The following CEP63 variants were observed in gnomAD, a reference collection of about 807,000 sequenced individuals.
CEP63 encodes the protein centrosomal protein of 63 kDa.
Under a neutral mutation model 89.1 loss-of-function variants are expected in CEP63, and 84 were observed. The observed-to-expected ratio is 0.94, with a 90% CI of 0.79 to 1.13. CEP63 has a LOEUF of 1.13. Ranked by LOEUF, CEP63 falls within the 50% of genes most tolerant of loss-of-function variation. The probability of loss-of-function intolerance (pLI) is 0.00; values close to 1 mark genes in which losing one functional copy is unlikely to be tolerated. For missense variants in CEP63, 838 were observed against 813.3 expected, an observed-to-expected ratio of 1.03 and a Z score of -0.37; for synonymous variants, 267 against 272.5, an observed-to-expected ratio of 0.98 and a Z score of 0.20.
At chr3:134,650,375 G>A in the CEP63 span, among the ~76,000 whole-genome samples, 2 of 152,164 alleles carry the variant, frequency 1.3e-5, no homozygotes, top group Admixed American at 1.3e-4. Flanking sequence ...AGGCCACACA[G>A]GGAGCTCCCC....
At chr3:134,628,974 T>C in the CEP63 span, among the ~76,000 whole-genome samples, 1 of 152,242 alleles carries the variant, frequency 6.6e-6, no homozygotes, top group East Asian at 1.9e-4. Context: ...CCTCAGTTGT[T>C]CTGCAGCCTC....
At chr3:134,753,899 G>A in the CEP63 span, among the ~76,000 whole-genome samples, 15 of 151,652 alleles carry the variant, frequency 9.9e-5, no homozygotes, top group African/African-American at 3.4e-4. Context: ...AAACGTGTAA[G>A]CCACACACTA....
chr3:134,651,443 A>T, the CEP63 span: 9 of 1,027,058 alleles, frequency 8.8e-6, no homozygotes, highest in South Asian at 7.2e-5. Flanking sequence ...TGCTGTCAAC[A>T]TTGAGAGTAG....
chr3:134,628,286 C>T, the CEP63 span, among the ~76,000 whole-genome samples: 1 of 152,148 alleles, frequency 6.6e-6, no homozygotes, highest in African/African-American at 2.4e-5. Flanking sequence ...TTAAATTATT[C>T]CTTGGGAGGA....
At chr3:134,769,156 A>T in the CEP63 span, among the ~76,000 whole-genome samples, 31 of 152,278 alleles carry the variant, frequency 2.0e-4, no homozygotes, top group South Asian at 6.2e-3. Context: ...CACATTCTTA[A>T]TTGATTGTAT....
the CEP63 span, among the ~76,000 whole-genome samples, chr3:134,757,344 G>T: frequency 6.6e-6 from 1 of 152,172 alleles, no homozygotes; most frequent in African/African-American, 2.4e-5. Context: ...AGTCCTTAAA[G>T]CTTATCTTGC....
the CEP63 span, among the ~76,000 whole-genome samples, chr3:134,654,276 G>A: frequency 2.0e-5 from 3 of 152,184 alleles, no homozygotes; most frequent in Admixed American, 6.5e-5. Flanking sequence ...GCTGTCACCA[G>A]AGAGGAGTGT....
chr3:134,590,661 T>C (rs187601065), downstream of CEP63, among the ~76,000 whole-genome samples: 2 of 152,210 alleles, frequency 1.3e-5, no homozygotes, highest in Non-Finnish European at 2.9e-5. Context: ...ATTATGGCCA[T>C]GTAAATGTCA....
At position 134,559,510 on chromosome 3, in the gene CEP63, A is replaced by AT. The variant is rs973874083; in HGVS notation, c.1953+90dup. The AT allele has an allele frequency of 9.5e-4, 1,149 of 1,205,320 alleles. 2 individuals are homozygous for AT. The highest frequency in any genetic ancestry group is 5.4e-3 in the African/African-American group (357 of 65,922). 74.7% of individuals were successfully genotyped at this position (1,205,320 alleles called of 1,614,324 possible). A position where few individuals can be genotyped will look rare whatever the true frequency, so the allele number is the denominator to read the frequency against. The stretch of plus-strand genomic sequence containing the variant: ...TTTTATTTTAAGGGTGAAGAAGGTG[A>AT]TTTTTTTTTCCTTACTGATTCTTTT... On this transcript the variant is annotated intron_variant, in intron 14 of 14. Coordinates refer to ENST00000675561, the MANE Select transcript of CEP63 (RefSeq NM_001353108.3).
chr3:134,500,374 C>G (rs1941592209), intron 2 of CEP63, among the ~76,000 whole-genome samples: 1 of 152,136 alleles, frequency 6.6e-6, no homozygotes, highest in African/African-American at 2.4e-5. Flanking sequence ...TTCATGTCTG[C>G]TATTGTGATT....
intron 3 of CEP63, among the ~76,000 whole-genome samples, chr3:134,531,011 A>G (rs1949750948): frequency 1.3e-5 from 2 of 152,188 alleles, no homozygotes; most frequent in African/African-American, 2.4e-5. Context: ...AATAGGTGTC[A>G]CTGGTATCAA....
At chr3:134,680,556 A>C in the CEP63 span, among the ~76,000 whole-genome samples, 2 of 152,316 alleles carry the variant, frequency 1.3e-5, no homozygotes, top group East Asian at 3.9e-4. Flanking sequence ...ACTTCAAGTC[A>C]AGACATATGA....
the CEP63 span, among the ~76,000 whole-genome samples, chr3:134,772,517 TCTC>T: frequency 6.6e-6 from 1 of 151,702 alleles, no homozygotes; most frequent in Non-Finnish European, 1.5e-5. Context: ...CCTCCCCTCT[TCTC>T]CTCCATTTTC....
chr3:134,559,005 A>G (rs1956817927), intron 13 of CEP63, 145 bp from the exon 14 acceptor site: 2 of 757,722 alleles, frequency 2.6e-6, no homozygotes, highest in East Asian at 2.6e-5. Context: ...AATGAAAGAA[A>G]TCTCTTTCTG....
the CEP63 span, among the ~76,000 whole-genome samples, chr3:134,763,824 T>C: frequency 2.0e-5 from 3 of 152,228 alleles, no homozygotes; most frequent in African/African-American, 7.2e-5. Flanking sequence ...CAGTGAATGC[T>C]CTTCAGGCTC....
chr3:134,647,949 C>T, the CEP63 span, among the ~76,000 whole-genome samples: 3 of 152,208 alleles, frequency 2.0e-5, no homozygotes, highest in Non-Finnish European at 4.4e-5. Flanking sequence ...GTTGCCAGTT[C>T]TCTTGGCCTC....
At chr3:134,642,919 A>T in the CEP63 span, among the ~76,000 whole-genome samples, 13 of 152,326 alleles carry the variant, frequency 8.5e-5, no homozygotes, top group African/African-American at 2.9e-4. Context: ...GATGGTAAAG[A>T]GGAGTACCTG....
At chr3:134,701,285 CGTATATATGTGTAT>C in the CEP63 span, among the ~76,000 whole-genome samples, 23 of 52,336 alleles carry the variant, frequency 4.4e-4, 1 homozygote, top group East Asian at 4.2e-3. Context: ...CACATATATA[CGTATATATGTGTAT>C]ATATACGTAT....
chr3:134,665,256 T>C, the CEP63 span, among the ~76,000 whole-genome samples: 1 of 152,156 alleles, frequency 6.6e-6, no homozygotes, highest in Non-Finnish European at 1.5e-5. Flanking sequence ...CTGGTGTCCA[T>C]GGGGGACTCC....
Sources: allele counts gnomAD v4.1 joint callset (sites outside exome capture counted in the v4.1 genomes callset), GRCh38; gene constraint gnomAD v4.1.1; transcripts MANE v1.5; gene names NCBI Gene and HGNC (gene_info 2026-07-23, HGNC 2026-07-21).